SEMA4G: variants seen among roughly 807,000 people sequenced by gnomAD.
The protein encoded by SEMA4G is semaphorin 4G.
Under a neutral mutation model 81.2 loss-of-function variants are expected in SEMA4G, and 59 were observed. The ratio of observed to expected loss-of-function variants is 0.73; its 90% CI spans 0.59 to 0.90. The LOEUF is 0.90. Among genes scored for constraint, SEMA4G ranks in the 40% least tolerant of loss-of-function variants. The pLI is 0.00. For missense variants in SEMA4G, 952 were observed against 1,102.3 expected (o/e 0.86, Z 1.93); for synonymous variants, 404 against 433.9 (o/e 0.93, Z 0.86).
In SEMA4G at chr10:100,973,627, T is replaced by C; in HGVS notation, c.336+18T>C. On this transcript the variant is annotated intron_variant, in intron 3 of 13. Coordinates refer to ENST00000370250, the Ensembl canonical transcript of SEMA4G. This position sits in a 1 kb window ranked among gnomAD's most constrained non-coding sequence, Gnocchi z 5.5. ...ACAACCAGGTATGTGGTCTGCCCTG[T>C]CCCCAGCTCCTTTCCTCCCCTTCTT... is the stretch of plus-strand genomic sequence containing the variant. The C allele has an allele frequency of 4.3e-6, 7 of 1,612,212 alleles. No homozygotes were observed. The highest frequency in any genetic ancestry group is 5.9e-6 in the Non-Finnish European group (7 of 1,178,434).
In SEMA4G at chr10:100,975,761, C is replaced by T. The variant is rs146176884; in HGVS notation, c.337-1871C>T. 1.6e-3 allele frequency among the ~76,000 whole-genome samples: 240 copies of T among 152,162 alleles called. 2 individuals carry two copies. The highest frequency in any genetic ancestry group is 2.9e-3 in the Non-Finnish European group (196 of 68,018). On this transcript the variant is annotated intron_variant, in intron 3 of 13. Coordinates refer to ENST00000370250, the Ensembl canonical transcript of SEMA4G. ...CGAGTAGTAGTCCCAGTCACATCAC[C>T]ATGGTGTTGAGAGTAGTAGTCCCAG...
upstream of SEMA4G, among the ~76,000 whole-genome samples, chr10:100,972,026 C>T (rs751570222): frequency 6.6e-6 from 1 of 151,700 alleles, no homozygotes; most frequent in Non-Finnish European, 1.5e-5. Context: ...GAGAGGAATA[C>T]CAAGAAGTTA....
intron 13 of SEMA4G, among the ~76,000 whole-genome samples, chr10:100,981,850 G>A (rs1225693782): frequency 6.6e-6 from 1 of 152,032 alleles, no homozygotes; most frequent in Non-Finnish European, 1.5e-5. Flanking sequence ...TTGAGCTCAG[G>A]AATTGGAGAC....
At chr10:100,976,963 G>C (rs1029870119) in intron 3 of SEMA4G, among the ~76,000 whole-genome samples, 4 of 152,224 alleles carry the variant, frequency 2.6e-5, no homozygotes, top group African/African-American at 9.6e-5. Context: ...TGGTGGTGGA[G>C]TCAAAGTGGA....
intron 4 of SEMA4G, chr10:100,978,008 CT>C: frequency 1.8e-6 from 1 of 571,118 alleles, no homozygotes; most frequent in South Asian, 2.1e-5. Flanking sequence ...CCTTGATCCC[CT>C]GGACAGCATG....
At chr10:100,979,062 T>G in intron 7 of SEMA4G, 40 bp from the exon 9 acceptor site, 1 of 1,613,120 alleles carries the variant, frequency 6.2e-7, no homozygotes, top group South Asian at 1.1e-5. Context: ...AGGCTGGACC[T>G]CTGACCCTGG....
intron 3 of SEMA4G, among the ~76,000 whole-genome samples, chr10:100,976,949 G>A (rs1272897292): frequency 6.6e-6 from 1 of 152,354 alleles, no homozygotes; most frequent in East Asian, 1.9e-4. Flanking sequence ...TTTGGACTGG[G>A]TGCTGGTGGT....
In SEMA4G at chr10:100,978,283, C is replaced by T; in HGVS notation, c.436-12C>T. ...CTTCGGAACCACTTACTGCTGGTTC[C>T]TTGTTCCCTAGGATGCTGAGGCCTT... On this transcript the variant is annotated splice_polypyrimidine_tract_variant and intron_variant, in intron 4 of 13. Transcript: ENST00000370250. The T allele has an allele frequency of 6.2e-7, 1 of 1,608,206 alleles. No homozygotes were observed. The highest frequency in any genetic ancestry group is 1.3e-5 in the African/African-American group (1 of 74,902).
intron 3 of SEMA4G, among the ~76,000 whole-genome samples, chr10:100,975,379 G>A (rs965259764): frequency 5.9e-5 from 9 of 152,194 alleles, no homozygotes; most frequent in African/African-American, 2.2e-4. Flanking sequence ...AGCATGTTCT[G>A]AGGAACATTA....
intron 13 of SEMA4G, among the ~76,000 whole-genome samples, chr10:100,982,395 A>C (rs1240878423): frequency 6.6e-6 from 1 of 152,260 alleles, no homozygotes; most frequent in African/African-American, 2.4e-5. Flanking sequence ...TCTCATGAAG[A>C]ATGGATTACA....
upstream of SEMA4G, chr10:100,969,622 C>G (rs930042951): frequency 5.5e-5 from 17 of 309,108 alleles, no homozygotes; most frequent in African/African-American, 3.4e-4. Context: ...GGGCGGCGCC[C>G]TGGCGTGAGC....
rs767881320 is a variant in SEMA4G, at chr10:100,981,188, TAGAG to T, written c.1654_1657del (p.Arg552GlufsTer17). ...CCCAGGACAGCACTGATACAGGACA[TAGAG>T]AGAGGAAATCGAGGCTGTGAGAGCA... On this transcript the variant is annotated frameshift_variant, in exon 13 of 14. Coordinates refer to ENST00000370250, the Ensembl canonical transcript of SEMA4G. LOFTEE classifies it high-confidence loss of function. 1 of 1,614,186 alleles carries T rather than the reference TAGAG, an allele frequency of 6.2e-7. No individual in the cohort carries two copies. Among genetic ancestry groups the T allele is most frequent in the South Asian group, 1.1e-5 (1 of 91,084 alleles).
At position 100,980,796 on chromosome 10, in the gene SEMA4G, G is replaced by C. The variant is rs376522749; in HGVS notation, c.1468-26G>C. The C allele has an allele frequency of 3.2e-6, 5 of 1,550,398 alleles. No homozygotes were observed. In the South Asian group the frequency reaches 5.0e-5, roughly 16 times the overall value. ...TATCTGTATGAGTGGGGACGCTGCC[G>C]ACCAACTGTCCTATCTGGCTCCCAG... On this transcript the variant is annotated intron_variant, in intron 11 of 13. Coordinates refer to ENST00000370250, the Ensembl canonical transcript of SEMA4G.
intron 13 of SEMA4G, chr10:100,981,622 C>T (rs1474988811): frequency 1.3e-6 from 2 of 1,533,106 alleles, no homozygotes; most frequent in East Asian, 2.3e-5. Flanking sequence ...GATCTAAATA[C>T]TTCTATGCAT....
intron 13 of SEMA4G, chr10:100,981,488 G>C (rs776167522): frequency 3.1e-6 from 5 of 1,614,074 alleles, no homozygotes; most frequent in Non-Finnish European, 3.4e-6. Flanking sequence ...GGATGACAAG[G>C]GTTCAGGACG....
At chr10:100,982,253 CAGG>C (rs375632126) in intron 13 of SEMA4G, among the ~76,000 whole-genome samples, 1 of 151,876 alleles carries the variant, frequency 6.6e-6, no homozygotes, top group Non-Finnish European at 1.5e-5. Context: ...ATTTGAGTGA[CAGG>C]AGAATAGGCT....
At chr10:100,982,706 C>T (rs1381889258) in intron 13 of SEMA4G, among the ~76,000 whole-genome samples, 2 of 152,212 alleles carry the variant, frequency 1.3e-5, no homozygotes, top group South Asian at 4.1e-4. Flanking sequence ...GCAAGATAAT[C>T]GCGTGAACCA....
chr10:100,970,580 C>G (rs957611858), upstream of SEMA4G, among the ~76,000 whole-genome samples: 13 of 152,080 alleles, frequency 8.5e-5, no homozygotes, highest in African/African-American at 2.9e-4. Flanking sequence ...CCTCACCACC[C>G]CCACACACAA....
exon 1 of SEMA4G, chr10:100,972,948 C>T: frequency 6.2e-7 from 1 of 1,613,318 alleles, no homozygotes; most frequent in Non-Finnish European, 8.5e-7. Context: ...TCCTCAGCAT[C>T]CTCACAGCAA....
Sources: allele counts gnomAD v4.1 joint callset (sites outside exome capture counted in the v4.1 genomes callset), GRCh38; gene constraint gnomAD v4.1.1; non-coding constraint Gnocchi (gnomAD v3.1); transcripts MANE v1.5; gene names NCBI Gene and HGNC (gene_info 2026-07-23, HGNC 2026-07-21).